Variants in VWC2 observed in about 807,000 individuals in gnomAD.
The protein encoded by VWC2 is brorin.
A neutral mutation model predicts 29.8 loss-of-function variants in VWC2; 14 were observed. That is an observed-to-expected ratio of 0.47 (90% CI 0.31 to 0.74). VWC2 has a LOEUF of 0.74. VWC2 is among the 30% of genes least tolerant of loss of function. VWC2 has a pLI of 0.05. For synonymous variants in VWC2, 213 were observed against 199.0 expected (o/e 1.07, Z -0.59); for missense variants, 457 against 459.8 (o/e 0.99, Z 0.05).
chr7:49,875,385 A>AAAC (rs1791365134), intron 3 of VWC2, among the ~76,000 whole-genome samples: 2 of 149,684 alleles, frequency 1.3e-5, no homozygotes, highest in Non-Finnish European at 3.0e-5. Flanking sequence ...AAAAAAAAAA[A>AAAC]AAAAAAAAAA....
At chr7:49,785,862 G>A (rs1788283501) in intron 2 of VWC2, among the ~76,000 whole-genome samples, 1 of 152,168 alleles carries the variant, frequency 6.6e-6, no homozygotes, top group African/African-American at 2.4e-5. Flanking sequence ...TTTAAAATAA[G>A]AGTCTAAAGG....
chr7:49,844,121 A>G (rs1789862314), intron 3 of VWC2, among the ~76,000 whole-genome samples: 1 of 152,164 alleles, frequency 6.6e-6, no homozygotes, highest in Admixed American at 6.5e-5. Flanking sequence ...TGAATGTGTG[A>G]TGTTTCACCT....
At chr7:49,774,414 C>T (rs905498894) in intron 1 of VWC2, among the ~76,000 whole-genome samples, 2 of 152,214 alleles carry the variant, frequency 1.3e-5, no homozygotes, top group Non-Finnish European at 2.9e-5. Context: ...GGCTGGATTG[C>T]CGGTGTCCTG....
intron 3 of VWC2, among the ~76,000 whole-genome samples, chr7:49,824,387 A>AT (rs1789343519): frequency 6.6e-6 from 1 of 152,200 alleles, no homozygotes; most frequent in Admixed American, 6.5e-5. Flanking sequence ...TCAATTCACC[A>AT]TATGTGGGGA....
chr7:49,783,414 C>A (rs1251448265), intron 2 of VWC2, among the ~76,000 whole-genome samples: 1 of 152,024 alleles, frequency 6.6e-6, no homozygotes, highest in East Asian at 1.9e-4. Context: ...GAATCCTGGG[C>A]CAGATGTTCT....
chr7:49,902,631 A>G (rs1208591064), intron 3 of VWC2, among the ~76,000 whole-genome samples: 4 of 151,884 alleles, frequency 2.6e-5, no homozygotes, highest in Admixed American at 6.6e-5. Flanking sequence ...TCATAGATTT[A>G]AATGTAAACC....
intron 2 of VWC2, among the ~76,000 whole-genome samples, chr7:49,789,893 C>T (rs1160624179): frequency 6.6e-6 from 1 of 152,248 alleles, no homozygotes; most frequent in Non-Finnish European, 1.5e-5. Context: ...CCGCTCCCTG[C>T]ACTGGCCCTG....
At chr7:49,823,229 A>T (rs1205222433) in intron 3 of VWC2, among the ~76,000 whole-genome samples, 1 of 152,202 alleles carries the variant, frequency 6.6e-6, no homozygotes, top group Non-Finnish European at 1.5e-5. Context: ...GATGAAAGAC[A>T]GAACTCTTGG....
chr7:49,791,320 T>C (rs926096091), intron 2 of VWC2, among the ~76,000 whole-genome samples: 2 of 152,240 alleles, frequency 1.3e-5, no homozygotes, highest in African/African-American at 4.8e-5. Context: ...GGAGGCTGCT[T>C]GTCCTGGGCT....
chr7:49,890,730 CAAAA>C (rs150953956), intron 3 of VWC2, among the ~76,000 whole-genome samples: 1 of 145,560 alleles, frequency 6.9e-6, no homozygotes, highest in African/African-American at 2.5e-5. Flanking sequence ...CAAAGCAAAA[CAAAA>C]AAAAAAAAAA....
At chr7:49,869,086 A>T (rs1027976496) in intron 3 of VWC2, among the ~76,000 whole-genome samples, 1 of 152,300 alleles carries the variant, frequency 6.6e-6, no homozygotes, top group Non-Finnish European at 1.5e-5. Context: ...AAGTGAGGAA[A>T]CATTTACACT....
chr7:49,857,741 A>T (rs1335014546), intron 3 of VWC2, among the ~76,000 whole-genome samples: 1 of 152,208 alleles, frequency 6.6e-6, no homozygotes, highest in Non-Finnish European at 1.5e-5. Context: ...CAGTATGGAG[A>T]TTTCTCAACA....
At chr7:49,869,775 G>T (rs1379369299) in intron 3 of VWC2, among the ~76,000 whole-genome samples, 1 of 152,090 alleles carries the variant, frequency 6.6e-6, no homozygotes, top group Non-Finnish European at 1.5e-5. Flanking sequence ...AAGAGAATTG[G>T]ATGTGCACGG....
intron 2 of VWC2, among the ~76,000 whole-genome samples, chr7:49,798,153 C>A (rs1788641162): frequency 6.6e-6 from 1 of 152,240 alleles, no homozygotes. Context: ...AAGAGCACAG[C>A]CTGGCAAAAG....
chr7:49,789,116 G>C (rs765042346), intron 2 of VWC2, among the ~76,000 whole-genome samples: 2 of 85,130 alleles, frequency 2.3e-5, no homozygotes, highest in African/African-American at 1.1e-4. Context: ...GATTGAGAGA[G>C]TGTAGTGTGT....
intron 3 of VWC2, among the ~76,000 whole-genome samples, chr7:49,860,035 A>G (rs1377670342): frequency 6.6e-6 from 1 of 152,060 alleles, no homozygotes; most frequent in African/African-American, 2.4e-5. Flanking sequence ...GCTTCTTTAA[A>G]GTTTCATAAT....
At chr7:49,799,981 C>T (rs931353517) in intron 2 of VWC2, among the ~76,000 whole-genome samples, 2 of 152,214 alleles carry the variant, frequency 1.3e-5, no homozygotes, top group African/African-American at 4.8e-5. Flanking sequence ...GTCGTATATG[C>T]AGTTCCTTTT....
intron 3 of VWC2, among the ~76,000 whole-genome samples, chr7:49,843,388 A>G (rs1789845600): frequency 1.3e-5 from 2 of 152,228 alleles, no homozygotes; most frequent in African/African-American, 4.8e-5. Context: ...AGTGAGGCCC[A>G]TGGACGTATT....
At chr7:49,890,736 A>C (rs1173304583) in intron 3 of VWC2, among the ~76,000 whole-genome samples, 2 of 152,138 alleles carry the variant, frequency 1.3e-5, no homozygotes, top group Non-Finnish European at 2.9e-5. Flanking sequence ...AAAACAAAAA[A>C]AAAAAAAACT....
Sources: allele counts gnomAD v4.1 joint callset (sites outside exome capture counted in the v4.1 genomes callset), GRCh38; gene constraint gnomAD v4.1.1; transcripts MANE v1.5; gene names NCBI Gene and HGNC (gene_info 2026-07-23, HGNC 2026-07-21).